The following ARID1B variants were observed in gnomAD, a reference collection of about 807,000 sequenced individuals.
ARID1B encodes the protein AT-rich interaction domain 1B.
A neutral mutation model predicts 212.3 loss-of-function variants in ARID1B; 30 were observed. The observed-to-expected ratio is 0.14, with a 90% CI of 0.11 to 0.19. The LOEUF is 0.19. Among genes scored for constraint, ARID1B ranks in the 10% least tolerant of loss-of-function variants. ARID1B has a pLI of 1.00. For synonymous variants in ARID1B, 1,402 were observed against 1,301.7 expected, an observed-to-expected ratio of 1.08 and a Z score of -1.66; for missense variants, 2,891 against 3,204.0, an observed-to-expected ratio of 0.90 and a Z score of 2.36.
chr6:156,962,096 G>A (rs1174578352), intron 4 of ARID1B, among the ~76,000 whole-genome samples: 2 of 151,878 alleles, frequency 1.3e-5, no homozygotes, highest in East Asian at 1.9e-4. Context: ...TCAGGAGATC[G>A]AGACCATCCT....
At chr6:157,172,449 A>T (rs1459000991) in intron 9 of ARID1B, among the ~76,000 whole-genome samples, 1 of 152,194 alleles carries the variant, frequency 6.6e-6, no homozygotes, top group Non-Finnish European at 1.5e-5. Flanking sequence ...CCCAATTATG[A>T]TTTGTGTGTG....
intron 7 of ARID1B, among the ~76,000 whole-genome samples, chr6:157,147,077 ACT>A (rs1384224232): frequency 6.6e-6 from 1 of 152,084 alleles, no homozygotes; most frequent in African/African-American, 2.4e-5. Context: ...CCCAGCACAC[ACT>A]GTGGTTCAGC....
At chr6:156,797,910 C>T (rs896669921) in intron 1 of ARID1B, among the ~76,000 whole-genome samples, 1 of 152,022 alleles carries the variant, frequency 6.6e-6, no homozygotes, top group African/African-American at 2.4e-5. Context: ...CCAGAAAGGG[C>T]GATGGAAAAG....
chr6:157,188,802 G>A (rs1440118097), intron 13 of ARID1B, among the ~76,000 whole-genome samples: 8 of 152,126 alleles, frequency 5.3e-5, no homozygotes, highest in African/African-American at 1.9e-4. Flanking sequence ...ATGATCTGGC[G>A]TGCTAAGGAC....
intron 15 of ARID1B, chr6:157,193,798 A>C (rs552623323): frequency 6.6e-6 from 1 of 152,340 alleles, no homozygotes; most frequent in East Asian, 1.9e-4. Context: ...GGCAATGCTA[A>C]TCACATGACC....
chr6:156,987,986 G>A (rs1778036771), intron 4 of ARID1B, among the ~76,000 whole-genome samples: 2 of 152,258 alleles, frequency 1.3e-5, no homozygotes, highest in South Asian at 2.1e-4. Context: ...TGATGTTGGG[G>A]ATAATGGAAT....
chr6:156,901,224 G>A (rs932295015), intron 2 of ARID1B, 152 bp from the exon 3 acceptor site: 16 of 866,688 alleles, frequency 1.8e-5, no homozygotes, highest in South Asian at 4.9e-5. Context: ...AGAAAGCAGC[G>A]TGTCGATTTG....
intron 4 of ARID1B, among the ~76,000 whole-genome samples, chr6:157,016,527 G>A (rs1779930237): frequency 6.6e-6 from 1 of 152,096 alleles, no homozygotes; most frequent in African/African-American, 2.4e-5. Flanking sequence ...AAAAAATATC[G>A]ATTCCCAGCT....
chr6:156,843,855 C>G (rs972514295), intron 2 of ARID1B, among the ~76,000 whole-genome samples: 2 of 152,110 alleles, frequency 1.3e-5, no homozygotes, highest in African/African-American at 4.8e-5. Flanking sequence ...TGGGAGCAGA[C>G]ACGTACCAGG....
At position 156,778,656 on chromosome 6, in the gene ARID1B, G is replaced by T. The variant is rs1332589796; in HGVS notation, c.976G>T (p.Gly326Cys). 1 of 1,483,162 alleles carries T rather than the reference G, an allele frequency of 6.7e-7. No individual in the cohort carries two copies. 91.9% of individuals were successfully genotyped at this position (1,483,162 alleles called of 1,614,324 possible). A position where few individuals can be genotyped will look rare whatever the true frequency, so the allele number is the denominator to read the frequency against. The change falls in exon 1 of 20, where the codon GGC becomes TGC. Residue 326 changes from glycine to cysteine, a missense_variant. By Grantham distance (159) the Gly-to-Cys change is radical. Coordinates refer to ENST00000636930, the MANE Select transcript of ARID1B (RefSeq NM_001374828.1). Reference protein sequence around the residue: ...YYGSAAPASGGPGGRAGPCFD... With the variant: ...YYGSAAPASGCPGGRAGPCFD... Reference sequence around the variant, plus strand: ...TGGCAGCGCTGCCCCTGCGAGCGGCGGCCCCGGCGGCCGCGCTGGGCCTTG... The same window carrying T: ...TGGCAGCGCTGCCCCTGCGAGCGGCTGCCCCGGCGGCCGCGCTGGGCCTTG...
At chr6:157,089,985 G>C (rs534868417) in intron 5 of ARID1B, among the ~76,000 whole-genome samples, 1 of 152,272 alleles carries the variant, frequency 6.6e-6, no homozygotes, top group African/African-American at 2.4e-5. Flanking sequence ...TGGGTCTTAC[G>C]CTGGGCCTGA....
chr6:156,897,399 T>C (rs541208673), intron 2 of ARID1B, among the ~76,000 whole-genome samples: 1 of 151,420 alleles, frequency 6.6e-6, no homozygotes, highest in East Asian at 1.9e-4. Context: ...TCAGCCTCCC[T>C]AGTAGCTGGG....
intron 1 of ARID1B, among the ~76,000 whole-genome samples, chr6:156,810,133 A>C (rs965156180): frequency 7.9e-5 from 12 of 152,224 alleles, no homozygotes; most frequent in African/African-American, 2.2e-4. Context: ...ATACACATGT[A>C]CTATTAAATA....
chr6:156,779,060 C>T lies in ARID1B; in HGVS notation c.1380C>T (p.Gly460=). 8.2e-7 allele frequency: 1 copy of T among 1,223,644 alleles called. No homozygotes were observed. Among genetic ancestry groups the T allele is most frequent in the Non-Finnish European group, 1.0e-6 (1 of 985,750 alleles). The allele number at this position is 1,223,644 out of a possible 1,614,324, so 75.8% of individuals were successfully genotyped here. Residue 460 remains glycine (G), a synonymous_variant, in exon 1 of 20, where the codon GGC becomes GGT. Transcript: ENST00000636930. Reference sequence around the variant, plus strand: ...GCTCCCCCCGGCAGCAGGGCGGCGGCATGATGATGGGCCCCGGGGGCGGCG... The same window carrying T: ...GCTCCCCCCGGCAGCAGGGCGGCGGTATGATGATGGGCCCCGGGGGCGGCG... ...VLSSPRQQGG[G]MMMGPGGGGA...
chr6:157,206,327 G>A lies in ARID1B; in HGVS notation c.5555G>A (p.Gly1852Glu), dbSNP rs138020626. 6.2e-7 allele frequency: 1 copy of A among 1,614,158 alleles called. No individual in the cohort carries two copies. Among genetic ancestry groups the A allele is most frequent in the East Asian group, 2.2e-5 (1 of 44,888 alleles). The change falls in exon 20 of 20, where the codon GGG (glycine) becomes GAG (glutamate). Residue 1852 changes from glycine to glutamate, a missense_variant. By Grantham distance (98) the Gly-to-Glu change is moderately conservative. Coordinates refer to ENST00000636930, the MANE Select transcript of ARID1B (RefSeq NM_001374828.1). This position sits in a 1 kb window ranked among gnomAD's most constrained non-coding sequence, Gnocchi z 6.8. The part of the protein sequence containing the change: ...DDSQSLADDS[G>E]KEEEDAECID... The stretch of plus-strand genomic sequence containing the variant: ...AGCCAGTCCTTGGCAGACGATTCTG[G>A]GAAAGAGGAGGAAGATGCTGAATGT...
rs2128045568 is a variant in ARID1B at position 156,829,211 on chromosome 6, T to C, written c.1792-16T>C. The C allele has an allele frequency of 6.3e-7, 1 of 1,591,758 alleles. No homozygotes were observed. Among genetic ancestry groups the C allele is most frequent in the South Asian group, 1.1e-5 (1 of 88,724 alleles). On this transcript the variant is annotated splice_polypyrimidine_tract_variant and intron_variant, in intron 1 of 19. Transcript: ENST00000636930. The stretch of plus-strand genomic sequence containing the variant: ...AAGAATGAATTAATAAACCGACTTC[T>C]TTTATGTCTTCACAGGGCAGCCCAA...
intron 3 of ARID1B, among the ~76,000 whole-genome samples, chr6:156,920,944 T>C (rs1174436190): frequency 6.6e-6 from 1 of 151,722 alleles, no homozygotes; most frequent in Non-Finnish European, 1.5e-5. Flanking sequence ...AACCTCCGCC[T>C]CCCAGGTTCA....
intron 1 of ARID1B, among the ~76,000 whole-genome samples, chr6:156,785,924 T>C (rs754718133): frequency 4.6e-5 from 7 of 152,210 alleles, no homozygotes; most frequent in Non-Finnish European, 8.8e-5. Flanking sequence ...AGGATCTCTT[T>C]GGAGATGTGT....
intron 4 of ARID1B, chr6:157,036,695 C>G: frequency 2.6e-6 from 1 of 380,592 alleles, no homozygotes; most frequent in African/African-American, 2.1e-5. Flanking sequence ...ACAGATCTCT[C>G]TTTCTTGACA....
Sources: allele counts gnomAD v4.1 joint callset (sites outside exome capture counted in the v4.1 genomes callset), GRCh38; gene constraint gnomAD v4.1.1; non-coding constraint Gnocchi (gnomAD v3.1); transcripts MANE v1.5; gene names NCBI Gene and HGNC (gene_info 2026-07-23, HGNC 2026-07-21).